TMEM178B: variants seen among roughly 807,000 people sequenced by gnomAD.
TMEM178B encodes transmembrane protein 178B.
Under a neutral mutation model 31.0 loss-of-function variants are expected in TMEM178B, and 5 were observed. That is an observed-to-expected ratio of 0.16 (90% confidence interval 0.08 to 0.34). TMEM178B has a LOEUF of 0.34. Among genes scored for constraint, TMEM178B ranks in the 10% least tolerant of loss-of-function variants. The pLI, the probability that TMEM178B is intolerant of heterozygous loss-of-function variation, is 1.00. For missense variants in TMEM178B, 275 were observed against 400.3 expected, an observed-to-expected ratio of 0.69 and a Z score of 2.67; for synonymous variants, 164 against 164.0, an observed-to-expected ratio of 1.00 and a Z score of 0.00.
intron 2 of TMEM178B, among the ~76,000 whole-genome samples, chr7:141,377,843 A>C (rs1289717831): frequency 2.6e-5 from 4 of 152,228 alleles, no homozygotes; most frequent in Non-Finnish European, 5.9e-5. Flanking sequence ...AGTTGCAAAG[A>C]AAGTACAGAG....
the TMEM178B span, among the ~76,000 whole-genome samples, chr7:141,499,299 C>T: frequency 6.6e-6 from 1 of 151,930 alleles, no homozygotes; most frequent in Non-Finnish European, 1.5e-5. Flanking sequence ...AGAGCTAGTC[C>T]TAATCCTTCC....
intron 1 of TMEM178B, among the ~76,000 whole-genome samples, chr7:141,172,010 A>T (rs2129182862): frequency 6.6e-6 from 1 of 152,284 alleles, no homozygotes; most frequent in Admixed American, 6.5e-5. Flanking sequence ...TGAGACAGGC[A>T]CCGTAGTAGG....
intron 2 of TMEM178B, among the ~76,000 whole-genome samples, chr7:141,235,277 A>G (rs1399045384): frequency 6.6e-6 from 1 of 152,232 alleles, no homozygotes; most frequent in Non-Finnish European, 1.5e-5. Flanking sequence ...TGGTTGGTGT[A>G]GAAGACTTGC....
intron 2 of TMEM178B, among the ~76,000 whole-genome samples, chr7:141,426,781 A>T (rs1245114001): frequency 3.9e-5 from 6 of 152,208 alleles, no homozygotes; most frequent in African/African-American, 1.4e-4. Context: ...ATGTAGTTAT[A>T]TAGAGAGAAA....
chr7:141,283,262 C>T (rs1798394743), intron 2 of TMEM178B, among the ~76,000 whole-genome samples: 1 of 152,232 alleles, frequency 6.6e-6, no homozygotes, highest in African/African-American at 2.4e-5. Context: ...ATTCAACCAA[C>T]TTCTTCCTCC....
chr7:141,323,966 G>A (rs1216175780), intron 2 of TMEM178B, among the ~76,000 whole-genome samples: 1 of 152,030 alleles, frequency 6.6e-6, no homozygotes, highest in Admixed American at 6.6e-5. Context: ...GGATTACAAG[G>A]GGTCAAGCAA....
chr7:141,404,176 G>C (rs1012603919), intron 2 of TMEM178B, among the ~76,000 whole-genome samples: 1 of 152,112 alleles, frequency 6.6e-6, no homozygotes, highest in African/African-American at 2.4e-5. Context: ...GTGGTGGTAG[G>C]CACCTGTAGT....
chr7:141,500,316 G>T, the TMEM178B span, among the ~76,000 whole-genome samples: 1 of 152,162 alleles, frequency 6.6e-6, no homozygotes, highest in Non-Finnish European at 1.5e-5. Context: ...ATACTGCAGG[G>T]TAGGAGCATA....
At chr7:141,252,941 C>G (rs1259571259) in intron 2 of TMEM178B, among the ~76,000 whole-genome samples, 1 of 152,252 alleles carries the variant, frequency 6.6e-6, no homozygotes, top group Non-Finnish European at 1.5e-5. Flanking sequence ...CCTGAGCTCC[C>G]TGGCTTTCTG....
intron 2 of TMEM178B, among the ~76,000 whole-genome samples, chr7:141,250,730 C>T (rs1797818118): frequency 6.6e-6 from 1 of 152,200 alleles, no homozygotes; most frequent in South Asian, 2.1e-4. Flanking sequence ...ATCCCCCCTT[C>T]CCAAGATGCA....
intron 2 of TMEM178B, among the ~76,000 whole-genome samples, chr7:141,292,036 C>T (rs2017142247): frequency 6.6e-6 from 1 of 151,198 alleles, no homozygotes; most frequent in African/African-American, 2.4e-5. Context: ...CAGCATTCTG[C>T]TTTGTCAGGT....
intron 3 of TMEM178B, among the ~76,000 whole-genome samples, chr7:141,450,953 A>G (rs1586969148): frequency 2.0e-5 from 3 of 152,180 alleles, no homozygotes; most frequent in Admixed American, 2.0e-4. Context: ...ACAGTAGGAT[A>G]AAACAAAAGG....
intron 2 of TMEM178B, among the ~76,000 whole-genome samples, chr7:141,411,291 T>C (rs1234190127): frequency 6.6e-6 from 1 of 152,156 alleles, no homozygotes; most frequent in Non-Finnish European, 1.5e-5. Context: ...AGTTAATGCC[T>C]AATGGGGACA....
At chr7:141,500,603 C>T in the TMEM178B span, among the ~76,000 whole-genome samples, 4 of 152,110 alleles carry the variant, frequency 2.6e-5, no homozygotes, top group African/African-American at 7.2e-5. Flanking sequence ...TGTAGTCCTA[C>T]GGAATTTCAT....
chr7:141,445,352 A>G (rs553932130), intron 3 of TMEM178B, among the ~76,000 whole-genome samples: 43 of 152,338 alleles, frequency 2.8e-4, no homozygotes, highest in South Asian at 6.2e-4. Context: ...GGCAATGGCC[A>G]TCTTGCCTGG....
intron 2 of TMEM178B, among the ~76,000 whole-genome samples, chr7:141,387,300 A>T (rs1021042157): frequency 5.9e-5 from 9 of 152,242 alleles, no homozygotes; most frequent in African/African-American, 1.9e-4. Flanking sequence ...GCACTTTCTC[A>T]TTTTATTTTT....
At chr7:141,324,063 G>T (rs1177689642) in intron 2 of TMEM178B, among the ~76,000 whole-genome samples, 1 of 152,140 alleles carries the variant, frequency 6.6e-6, no homozygotes, top group African/African-American at 2.4e-5. Flanking sequence ...GTCAGTGAAC[G>T]TGCAATAGAG....
chr7:141,430,550 CT>C (rs1454998284), intron 2 of TMEM178B, among the ~76,000 whole-genome samples: 1 of 152,192 alleles, frequency 6.6e-6, no homozygotes, highest in African/African-American at 2.4e-5. Flanking sequence ...AGCACCCTGG[CT>C]GCGGAAGAGC....
chr7:141,345,775 TACTA>T (rs1204633897), intron 2 of TMEM178B, among the ~76,000 whole-genome samples: 2 of 152,254 alleles, frequency 1.3e-5, no homozygotes, highest in African/African-American at 4.8e-5. Context: ...GATTGTTTTA[TACTA>T]ACTACCATTT....
Sources: gnomAD v4.1 joint callset for allele counts (sites outside exome capture counted in the v4.1 genomes callset) on GRCh38, gnomAD v4.1.1 for gene constraint, MANE v1.5 for transcripts, NCBI Gene and HGNC (gene_info 2026-07-23, HGNC 2026-07-21) for gene names.